The following NFIB variants were observed in gnomAD, a reference collection of about 807,000 sequenced individuals.
The protein encoded by NFIB is nuclear factor 1 B-type.
A neutral mutation model predicts 61.5 loss-of-function variants in NFIB; 11 were observed. The observed-to-expected ratio is 0.18, with a 90% confidence interval of 0.11 to 0.30. The LOEUF is 0.30. NFIB is among the 10% of genes least tolerant of loss of function. The probability of loss-of-function intolerance (pLI) is 1.00; values close to 1 mark genes in which losing one functional copy is unlikely to be tolerated. For missense variants in NFIB, 471 were observed against 608.9 expected, an observed-to-expected ratio of 0.77 and a Z score of 2.38; for synonymous variants, 260 against 216.5, an observed-to-expected ratio of 1.20 and a Z score of -1.76.
the NFIB span, among the ~76,000 whole-genome samples, chr9:14,480,739 T>C: frequency 6.6e-6 from 1 of 152,272 alleles, no homozygotes; most frequent in African/African-American, 2.4e-5. Flanking sequence ...GGAGCCACCA[T>C]GGAGGAACAG....
At chr9:14,319,476 C>T (rs967394748) in intron 1 of NFIB, among the ~76,000 whole-genome samples, 1 of 152,208 alleles carries the variant, frequency 6.6e-6, no homozygotes, top group African/African-American at 2.4e-5. Flanking sequence ...CACAATGTTA[C>T]AAAGGTTCCA....
chr9:14,211,064 A>G (rs932550949), intron 2 of NFIB, among the ~76,000 whole-genome samples: 1 of 152,232 alleles, frequency 6.6e-6, no homozygotes, highest in Non-Finnish European at 1.5e-5. Flanking sequence ...CTAAAAATTT[A>G]AAGTATTAAT....
At chr9:14,305,893 T>C in intron 2 of NFIB, 2 of 937,792 alleles carry the variant, frequency 2.1e-6, no homozygotes, top group Non-Finnish European at 2.9e-6. Context: ...CTACCATCTG[T>C]GACAGCTCAA....
the NFIB span, among the ~76,000 whole-genome samples, chr9:14,430,335 G>A: frequency 1.3e-5 from 2 of 151,544 alleles, no homozygotes; most frequent in Non-Finnish European, 2.9e-5. Flanking sequence ...ACTTCTTCTT[G>A]CCATGGTAGT....
chr9:14,196,213 CCA>C (rs2131592436), intron 2 of NFIB, among the ~76,000 whole-genome samples: 1 of 152,192 alleles, frequency 6.6e-6, no homozygotes, highest in African/African-American at 2.4e-5. Context: ...AGTCTCAAGG[CCA>C]TTACTCCTCC....
chr9:14,268,736 A>G (rs1405403006), intron 2 of NFIB, among the ~76,000 whole-genome samples: 1 of 152,172 alleles, frequency 6.6e-6, no homozygotes, highest in African/African-American at 2.4e-5. Flanking sequence ...TTCCACTGCT[A>G]GATTAGATTA....
chr9:14,458,662 A>G, the NFIB span, among the ~76,000 whole-genome samples: 1 of 152,246 alleles, frequency 6.6e-6, no homozygotes, highest in African/African-American at 2.4e-5. Flanking sequence ...AAGCAACTTC[A>G]GCAAAGTCTC....
chr9:14,342,481 A>G (rs1164624766), intron 1 of NFIB, among the ~76,000 whole-genome samples: 1 of 152,062 alleles, frequency 6.6e-6, no homozygotes, highest in Non-Finnish European at 1.5e-5. Flanking sequence ...GGAAGGAAAG[A>G]AGGAAGAAAG....
At chr9:14,529,229 T>C in the NFIB span, among the ~76,000 whole-genome samples, 2 of 152,282 alleles carry the variant, frequency 1.3e-5, no homozygotes. Context: ...TGTTTGGGCT[T>C]TTTCCCTGTC....
chr9:14,529,691 C>A, the NFIB span, among the ~76,000 whole-genome samples: 1 of 152,136 alleles, frequency 6.6e-6, no homozygotes, highest in African/African-American at 2.4e-5. Context: ...AAATAATAAT[C>A]CCTTAAACAC....
At chr9:14,496,625 T>G in the NFIB span, among the ~76,000 whole-genome samples, 1 of 152,174 alleles carries the variant, frequency 6.6e-6, no homozygotes, top group Non-Finnish European at 1.5e-5. Context: ...CACCTTGCAT[T>G]TCGTAGTCCA....
chr9:14,501,616 C>T, the NFIB span, among the ~76,000 whole-genome samples: 3,007 of 152,256 alleles, frequency 0.02, 97 homozygotes, highest in African/African-American at 0.067. Context: ...TGTTGGGACT[C>T]CGAAGCTAAG....
intron 2 of NFIB, among the ~76,000 whole-genome samples, chr9:14,238,595 C>G (rs2054037596): frequency 6.6e-6 from 1 of 152,026 alleles, no homozygotes; most frequent in Non-Finnish European, 1.5e-5. Flanking sequence ...TAAGAGAGAC[C>G]AAAAGCATTT....
At chr9:14,206,555 C>A (rs2049745461) in intron 2 of NFIB, among the ~76,000 whole-genome samples, 1 of 151,790 alleles carries the variant, frequency 6.6e-6, no homozygotes, top group African/African-American at 2.4e-5. Context: ...CCTTTTCTTC[C>A]TTGAGAGTTT....
At chr9:14,262,144 C>A (rs1228484538) in intron 2 of NFIB, among the ~76,000 whole-genome samples, 2 of 152,172 alleles carry the variant, frequency 1.3e-5, no homozygotes, top group Non-Finnish European at 2.9e-5. Context: ...CTCCCTCTTG[C>A]TGCCCTTCTC....
At chr9:14,426,487 T>C in the NFIB span, among the ~76,000 whole-genome samples, 2 of 152,320 alleles carry the variant, frequency 1.3e-5, no homozygotes, top group Middle Eastern at 3.4e-3. Context: ...TCATGTTTTA[T>C]GGTGCTTCAT....
At chr9:14,471,739 G>C in the NFIB span, among the ~76,000 whole-genome samples, 13 of 152,144 alleles carry the variant, frequency 8.5e-5, no homozygotes, top group African/African-American at 3.1e-4. Context: ...ACTCATCCGG[G>C]AAGTTTAGTC....
At chr9:14,467,595 TATTC>T in the NFIB span, among the ~76,000 whole-genome samples, 4 of 152,254 alleles carry the variant, frequency 2.6e-5, no homozygotes, top group Admixed American at 6.5e-5. Context: ...ATTATTTATT[TATTC>T]AGTCAATTGG....
chr9:14,210,300 AT>A (rs35078568), intron 2 of NFIB, among the ~76,000 whole-genome samples: 68,257 of 151,958 alleles, frequency 0.45, 17,867 homozygotes, highest in African/African-American at 0.72. Flanking sequence ...TATTTAAAAC[AT>A]TTTTTGTGGT....
Sources: gnomAD v4.1 joint callset for allele counts (sites outside exome capture counted in the v4.1 genomes callset) on GRCh38, gnomAD v4.1.1 for gene constraint, MANE v1.5 for transcripts, NCBI Gene and HGNC (gene_info 2026-07-23, HGNC 2026-07-21) for gene names.